Variants in XXYLT1 observed in about 807,000 individuals in gnomAD.
XXYLT1 encodes xyloside xylosyltransferase 1.
Under a neutral mutation model 28.9 loss-of-function variants are expected in XXYLT1, and 20 were observed. The observed-to-expected ratio is 0.69, with a 90% confidence interval of 0.49 to 1.00. The LOEUF is 1.00. XXYLT1 is among the 50% of genes least tolerant of loss of function. XXYLT1 has a pLI of 0.00. For synonymous variants in XXYLT1, 257 were observed against 253.8 expected (o/e 1.01, Z -0.12); for missense variants, 542 against 560.1 (o/e 0.97, Z 0.33).
chr3:195,137,502 C>A (rs190117806), intron 3 of XXYLT1, among the ~76,000 whole-genome samples: 8 of 152,082 alleles, frequency 5.3e-5, no homozygotes, highest in African/African-American at 1.9e-4. Flanking sequence ...CCTCAAAGAC[C>A]GTGAAGAGAA....
intron 2 of XXYLT1, among the ~76,000 whole-genome samples, chr3:195,223,069 C>CA (rs369493263): frequency 3.1e-3 from 424 of 135,462 alleles, no homozygotes; most frequent in African/African-American, 5.0e-3. Context: ...ACTAAAAATA[C>CA]AAAAAAAAAA....
chr3:195,267,536 G>A (rs1725881601), intron 1 of XXYLT1, among the ~76,000 whole-genome samples: 1 of 152,158 alleles, frequency 6.6e-6, no homozygotes, highest in African/African-American at 2.4e-5. Context: ...CTTCTTCCGA[G>A]TCAATACTGA....
intron 1 of XXYLT1, among the ~76,000 whole-genome samples, chr3:195,263,305 G>A (rs986688605): frequency 6.6e-6 from 1 of 152,228 alleles, no homozygotes; most frequent in African/African-American, 2.4e-5. Context: ...AACCCAACCT[G>A]TAAAGTGGAT....
chr3:195,071,222 C>G (rs1420959529), intron 3 of XXYLT1, among the ~76,000 whole-genome samples: 1 of 152,202 alleles, frequency 6.6e-6, no homozygotes, highest in Non-Finnish European at 1.5e-5. Context: ...AGTGGGTCCT[C>G]ACGGGGAGGA....
At chr3:195,243,903 G>A (rs1169580977) in intron 1 of XXYLT1, among the ~76,000 whole-genome samples, 1 of 152,216 alleles carries the variant, frequency 6.6e-6, no homozygotes, top group East Asian at 1.9e-4. Context: ...ACCACAAACA[G>A]CTGAGAGGGG....
intron 2 of XXYLT1, among the ~76,000 whole-genome samples, chr3:195,183,123 T>C (rs1487770942): frequency 1.3e-5 from 2 of 152,170 alleles, no homozygotes; most frequent in Non-Finnish European, 2.9e-5. Flanking sequence ...GGTTCAGGTT[T>C]GGGGCTCTAA....
chr3:195,240,836 G>A lies in XXYLT1; in HGVS notation c.505-13980C>T, dbSNP rs1242213448. On this transcript the variant is annotated intron_variant, in intron 1 of 3. Transcript: ENST00000310380. The surrounding 1 kb of genome is among the most constrained non-coding windows in gnomAD (Gnocchi z 4.7). ...CATAAACTGGGGGACTGAGGCAGGA[G>A]GATCGCTTGAACCTGGGAGGCGGAG... Among the ~76,000 whole-genome samples the A allele has an allele frequency of 1.3e-5, 2 of 152,240 alleles. No individual in the cohort carries two copies. The highest frequency in any genetic ancestry group is 2.4e-5 in the African/African-American group (1 of 41,472).
At chr3:195,212,485 C>A (rs1723366136) in intron 2 of XXYLT1, among the ~76,000 whole-genome samples, 1 of 152,168 alleles carries the variant, frequency 6.6e-6, no homozygotes. Context: ...GGGGCAGGGT[C>A]CCCAAGCCCC....
At chr3:195,158,008 A>G (rs1720692692) in intron 2 of XXYLT1, among the ~76,000 whole-genome samples, 1 of 152,232 alleles carries the variant, frequency 6.6e-6, no homozygotes, top group Non-Finnish European at 1.5e-5. Flanking sequence ...TCTGGAGCAC[A>G]GCACCACACT....
chr3:195,172,510 T>C (rs866494326), intron 2 of XXYLT1, among the ~76,000 whole-genome samples: 29 of 152,336 alleles, frequency 1.9e-4, no homozygotes, highest in African/African-American at 5.1e-4. Flanking sequence ...TCCCTGTTCA[T>C]GACTAACAAC....
intron 3 of XXYLT1, among the ~76,000 whole-genome samples, chr3:195,118,901 G>C (rs1037024884): frequency 1.3e-5 from 2 of 152,198 alleles, no homozygotes. Context: ...TAAGAGCACT[G>C]CGTTCCTCTG....
intron 2 of XXYLT1, chr3:195,175,769 C>G (rs1242873726): frequency 4.6e-6 from 7 of 1,515,714 alleles, no homozygotes; most frequent in Non-Finnish European, 6.2e-6. Flanking sequence ...GCCACTGCTC[C>G]CCTGGAAGCC....
rs541680894 is a variant in XXYLT1 at position 195,088,043 on chromosome 3, G to A, written c.786-17932C>T. 9.7e-3 allele frequency among the ~76,000 whole-genome samples: 1,475 copies of A among 151,292 alleles called. 24 individuals carry two copies. The highest frequency in any genetic ancestry group is 0.034 in the African/African-American group (1,374 of 40,604). On this transcript the variant is annotated intron_variant, in intron 3 of 3. Transcript: ENST00000310380. The stretch of plus-strand genomic sequence containing the variant: ...CTGGCTCGGAGGGTCCTACCCCACG[G>A]AGTCTCGCTGATTGCCAGCACAGCG...
At chr3:195,161,662 T>C (rs1720878873) in intron 2 of XXYLT1, among the ~76,000 whole-genome samples, 1 of 145,844 alleles carries the variant, frequency 6.9e-6, no homozygotes, top group Admixed American at 7.0e-5. Context: ...TGAGATGGAG[T>C]CTTGCTCTGT....
chr3:195,092,842 AAAC>A lies in XXYLT1; in HGVS notation c.786-22734_786-22732del, dbSNP rs1173267513. Among the ~76,000 whole-genome samples, 2 of 111,098 alleles carry A rather than the reference AAAC, an allele frequency of 1.8e-5. 1 individual carries two copies. The highest frequency in any genetic ancestry group is 3.4e-5 in the Non-Finnish European group (2 of 59,008). 72.9% of individuals were successfully genotyped at this position (111,098 alleles called of 152,430 possible). ...TCAAACAAATTTACAAGAAAAAAACAAACAACCCCATCAAAAAGTGGGCGAAGG... is the reference window on the plus strand; with the variant it reads ...TCAAACAAATTTACAAGAAAAAAACAAACCCCATCAAAAAGTGGGCGAAGG... On this transcript the variant is annotated intron_variant, in intron 3 of 3. Transcript: ENST00000310380.
intron 2 of XXYLT1, among the ~76,000 whole-genome samples, chr3:195,208,683 G>C (rs926334120): frequency 1.3e-5 from 2 of 152,144 alleles, no homozygotes; most frequent in Non-Finnish European, 2.9e-5. Context: ...ATTAGAGAAA[G>C]AGAGAGAAGA....
chr3:195,141,799 T>C (rs1486168991), intron 3 of XXYLT1, among the ~76,000 whole-genome samples: 3 of 152,242 alleles, frequency 2.0e-5, no homozygotes, highest in African/African-American at 7.2e-5. Flanking sequence ...CCTCACACTT[T>C]AGTTAGACTT....
At chr3:195,228,740 G>A (rs753634274) in intron 1 of XXYLT1, among the ~76,000 whole-genome samples, 3 of 151,132 alleles carry the variant, frequency 2.0e-5, no homozygotes, top group Non-Finnish European at 4.4e-5. Flanking sequence ...CGCCCGCCTC[G>A]GCCTCCCAAA....
At chr3:195,223,298 G>C (rs1178655120) in intron 2 of XXYLT1, among the ~76,000 whole-genome samples, 2 of 152,094 alleles carry the variant, frequency 1.3e-5, no homozygotes, top group South Asian at 2.1e-4. Flanking sequence ...CTACAGAAGG[G>C]AAGGCGGGAG....
Sources: allele counts gnomAD v4.1 joint callset (sites outside exome capture counted in the v4.1 genomes callset), GRCh38; gene constraint gnomAD v4.1.1; non-coding constraint Gnocchi (gnomAD v3.1); transcripts MANE v1.5; gene names NCBI Gene and HGNC (gene_info 2026-07-23, HGNC 2026-07-21).